RTN4: variants seen among roughly 807,000 people sequenced by gnomAD.
RTN4 encodes the protein reticulon 4.
Under a neutral mutation model 90.4 loss-of-function variants are expected in RTN4, and 32 were observed. That is an observed-to-expected ratio of 0.35 (90% confidence interval 0.27 to 0.48). The LOEUF (loss-of-function observed/expected upper bound fraction) is 0.48. RTN4 is among the 20% of genes least tolerant of loss of function. RTN4 has a pLI of 0.99. For synonymous variants in RTN4, 629 were observed against 552.5 expected (o/e 1.14, Z -1.94); for missense variants, 1,706 against 1,430.2 (o/e 1.19, Z -3.11).
rs1458317275 is a variant in RTN4 at position 55,025,092 on chromosome 2, T to G, written c.3007A>C (p.Thr1003Pro). ...SAIFSAELSKTSVVDLLYWRD... is the reference protein window; with the variant it reads ...SAIFSAELSKPSVVDLLYWRD... Reference sequence around the variant, plus strand: ...TGCATATAGATTGGATTACCTGAAGTTTTACTCAGCTCTGCTGAAAATATA... The same window carrying G: ...TGCATATAGATTGGATTACCTGAAGGTTTACTCAGCTCTGCTGAAAATATA... Residue 1003 changes from threonine to proline, a missense_variant, in exon 3 of 9, where the codon ACT (threonine) becomes CCT (proline). Coordinates refer to ENST00000337526, the MANE Select transcript of RTN4 (RefSeq NM_020532.5). The G allele has an allele frequency of 2.5e-6, 4 of 1,597,118 alleles. No homozygotes were observed. Among genetic ancestry groups the G allele is most frequent in the Non-Finnish European group, 3.4e-6 (4 of 1,171,782 alleles).
At chr2:55,059,553 G>A (rs963794695) in intron 2 of RTN4, among the ~76,000 whole-genome samples, 1 of 151,894 alleles carries the variant, frequency 6.6e-6, no homozygotes, top group African/African-American at 2.4e-5. Flanking sequence ...GGGGTTTCAG[G>A]CCGGGCACAG....
chr2:54,998,945 T>G (rs1679655745), intron 3 of RTN4, among the ~76,000 whole-genome samples: 1 of 152,178 alleles, frequency 6.6e-6, no homozygotes, highest in African/African-American at 2.4e-5. Context: ...TCATACAAGG[T>G]AACCCTATTC....
upstream of RTN4, among the ~76,000 whole-genome samples, chr2:55,116,824 T>A (rs759213298): frequency 6.6e-6 from 1 of 152,088 alleles, no homozygotes; most frequent in Non-Finnish European, 1.5e-5. Context: ...TCTTCGACAC[T>A]TCCCAGAACT....
At position 55,049,859 on chromosome 2, in the gene RTN4, G is replaced by A; in HGVS notation, c.442C>T (p.Pro148Ser). 7.6e-7 allele frequency: 1 copy of A among 1,317,272 alleles called. No individual in the cohort carries two copies. The highest frequency in any genetic ancestry group is 2.1e-5 in the South Asian group (1 of 48,304). 81.6% of individuals were successfully genotyped at this position (1,317,272 alleles called of 1,614,324 possible). Residue 148 changes from proline (P) to serine (S), a missense_variant, in exon 1 of 9, where the codon CCG becomes TCG. Transcript: ENST00000337526. ...EPPARPPPPP[P>S]ASVSPQAEPV... ...TCTGCCTGGGGGCTCACGCTGGCCGGGGGAGGAGGGGGAGGCCGGGCCGGA... is the reference window on the plus strand; with the variant it reads ...TCTGCCTGGGGGCTCACGCTGGCCGAGGGAGGAGGGGGAGGCCGGGCCGGA...
chr2:54,993,710 T>C (rs1256926598), intron 3 of RTN4, among the ~76,000 whole-genome samples: 1 of 152,134 alleles, frequency 6.6e-6, no homozygotes, highest in Admixed American at 6.5e-5. Context: ...AAACAAGTAC[T>C]AGGAATGCTC....
At chr2:55,061,528 G>C (rs768165243) in intron 2 of RTN4, among the ~76,000 whole-genome samples, 1 of 152,084 alleles carries the variant, frequency 6.6e-6, no homozygotes, top group African/African-American at 2.4e-5. Context: ...CATCACATCT[G>C]GTTGTTATGT....
chr2:55,088,698 G>A (rs961340901), intron 1 of RTN4, among the ~76,000 whole-genome samples: 65 of 152,158 alleles, frequency 4.3e-4, no homozygotes, highest in African/African-American at 1.5e-3. Flanking sequence ...AATGATGACG[G>A]GGAGTTAGTG....
chr2:55,087,619 A>G (rs1280657384), intron 1 of RTN4, among the ~76,000 whole-genome samples: 1 of 151,436 alleles, frequency 6.6e-6, no homozygotes, highest in African/African-American at 2.4e-5. Context: ...GCTTGTTTCC[A>G]TTTTTTCATG....
intron 1 of RTN4, among the ~76,000 whole-genome samples, chr2:55,111,535 G>A (rs978660647): frequency 6.6e-6 from 1 of 152,176 alleles, no homozygotes; most frequent in African/African-American, 2.4e-5. Flanking sequence ...GGGAGCAGAG[G>A]GAGGATTGTT....
chr2:54,985,083 A>G (rs1411749817), intron 4 of RTN4, among the ~76,000 whole-genome samples: 5 of 150,870 alleles, frequency 3.3e-5, no homozygotes, highest in South Asian at 2.1e-4. Context: ...ATATTTTTAC[A>G]TATTTCAGCA....
intron 1 of RTN4, among the ~76,000 whole-genome samples, chr2:55,086,754 T>C (rs146821800): frequency 6.6e-6 from 1 of 152,228 alleles, no homozygotes; most frequent in Non-Finnish European, 1.5e-5. Context: ...AGCCATCATC[T>C]TTCCCGCAAA....
chr2:55,034,053 T>G (rs1682512785), intron 1 of RTN4, among the ~76,000 whole-genome samples: 1 of 152,202 alleles, frequency 6.6e-6, no homozygotes, highest in South Asian at 2.1e-4. Context: ...ACTGATTGGT[T>G]AACAAAAATA....
the RTN4 span, among the ~76,000 whole-genome samples, chr2:55,119,935 C>G: frequency 6.6e-6 from 1 of 152,214 alleles, no homozygotes; most frequent in Non-Finnish European, 1.5e-5. Context: ...GCCTCAGATG[C>G]AGGAGGGTGA....
intron 2 of RTN4, among the ~76,000 whole-genome samples, chr2:55,063,647 A>G (rs1340540051): frequency 6.6e-6 from 1 of 152,020 alleles, no homozygotes; most frequent in Non-Finnish European, 1.5e-5. Flanking sequence ...CTGGGAGGCC[A>G]AGGTGGGTGG....
chr2:55,116,751 T>G (rs1286598042), upstream of RTN4, among the ~76,000 whole-genome samples: 1 of 152,124 alleles, frequency 6.6e-6, no homozygotes, highest in African/African-American at 2.4e-5. Flanking sequence ...GCCCTTAACC[T>G]CTGTGGGGAG....
chr2:55,124,243 G>C, the RTN4 span, among the ~76,000 whole-genome samples: 1 of 152,176 alleles, frequency 6.6e-6, no homozygotes, highest in Admixed American at 6.5e-5. Context: ...GCATAGCATA[G>C]GGTGTATTGA....
intron 1 of RTN4, among the ~76,000 whole-genome samples, chr2:55,045,905 C>A (rs75436505): frequency 2.6e-5 from 4 of 152,138 alleles, no homozygotes; most frequent in African/African-American, 9.7e-5. Flanking sequence ...GAGTTTTCTG[C>A]GCATATCCTC....
Position 55,050,275 on chromosome 2 carries a change from A to C in RTN4, c.26T>G (p.Leu9Arg). 1 of 1,487,392 alleles carries C rather than the reference A, an allele frequency of 6.7e-7. No individual in the cohort carries two copies. Among genetic ancestry groups the C allele is most frequent in the Non-Finnish European group, 8.9e-7 (1 of 1,118,542 alleles). The allele number at this position is 1,487,392 out of a possible 1,614,324, so 92.1% of individuals were successfully genotyped here. A position where few individuals can be genotyped will look rare whatever the true frequency, so the allele number is the denominator to read the frequency against. Residue 9 changes from leucine to arginine, a missense_variant, in exon 1 of 9, where the codon CTG becomes CGG. Coordinates refer to ENST00000337526, the MANE Select transcript of RTN4 (RefSeq NM_020532.5). The surrounding 1 kb of genome is among the most constrained non-coding windows in gnomAD (Gnocchi z 4.6). ...GGGTGGGCTGTCCGAGGACGAGACC[A>C]GAGGAGACTGGTCCAGGTCTTCCAT... MEDLDQSP[L>R]VSSSDSPPRP...
chr2:55,137,374 G>A, the RTN4 span, among the ~76,000 whole-genome samples: 1 of 152,128 alleles, frequency 6.6e-6, no homozygotes, highest in Admixed American at 6.5e-5. Context: ...GTGACGCTAC[G>A]GAGTCAGGAA....
Sources: allele counts gnomAD v4.1 joint callset (sites outside exome capture counted in the v4.1 genomes callset), GRCh38; gene constraint gnomAD v4.1.1; non-coding constraint Gnocchi (gnomAD v3.1); transcripts MANE v1.5; gene names NCBI Gene and HGNC (gene_info 2026-07-23, HGNC 2026-07-21).